Variants in OR9Q1 observed in about 807,000 individuals in gnomAD.
OR9Q1 encodes olfactory receptor family 9 subfamily Q member 1.
For synonymous variants in OR9Q1, 153 were observed against 148.6 expected (o/e 1.03, Z -0.22); for missense variants, 374 against 378.8 (o/e 0.99, Z 0.11).
chr11:58,070,823 A>G (rs1853480697), intron 2 of OR9Q1, among the ~76,000 whole-genome samples: 1 of 152,182 alleles, frequency 6.6e-6, no homozygotes, highest in African/African-American at 2.4e-5. Context: ...ATCTGGGTGG[A>G]CAGTAGGTTA....
intron 2 of OR9Q1, among the ~76,000 whole-genome samples, chr11:58,068,741 G>C (rs1853458205): frequency 6.6e-6 from 1 of 152,094 alleles, no homozygotes; most frequent in Non-Finnish European, 1.5e-5. Flanking sequence ...TCCAGGATTG[G>C]TAATTCAGTA....
intron 1 of OR9Q1, among the ~76,000 whole-genome samples, chr11:58,037,679 ATATATATATATTTTTTTTTT>A (rs1853116171): frequency 6.8e-5 from 1 of 14,666 alleles, no homozygotes; most frequent in Non-Finnish European, 1.4e-4. Flanking sequence ...ATATATATAT[ATATATATATATTTTTTTTTT>A]TTTTTTTTTT....
chr11:58,172,875 T>C (rs1395259884), intron 2 of OR9Q1, among the ~76,000 whole-genome samples: 3 of 152,196 alleles, frequency 2.0e-5, no homozygotes. Context: ...TATTAGTGAC[T>C]GTAGTCACCC....
chr11:58,070,959 C>G (rs1368477479), intron 2 of OR9Q1, among the ~76,000 whole-genome samples: 2 of 152,250 alleles, frequency 1.3e-5, no homozygotes, highest in African/African-American at 4.8e-5. Flanking sequence ...TGACGCTGGC[C>G]TAGAAGTCAT....
At chr11:58,175,151 A>G (rs1318479186) in intron 2 of OR9Q1, among the ~76,000 whole-genome samples, 1 of 151,556 alleles carries the variant, frequency 6.6e-6, no homozygotes, top group Non-Finnish European at 1.5e-5. Flanking sequence ...ATTACGCACA[A>G]CAATATATAA....
chr11:58,034,821 C>CCTTCCTTCCTTCCTTCCTTCCTTCCTTG (rs1565055262), intron 1 of OR9Q1, among the ~76,000 whole-genome samples: 1 of 138,892 alleles, frequency 7.2e-6, no homozygotes, highest in Non-Finnish European at 1.5e-5. Flanking sequence ...TTCCTTCCTT[C>CCTTCCTTCCTTCCTTCCTTCCTTCCTTG]CTTGCTTCCT....
intron 2 of OR9Q1, among the ~76,000 whole-genome samples, chr11:58,084,106 C>G (rs569988667): frequency 6.6e-6 from 1 of 151,890 alleles, no homozygotes; most frequent in South Asian, 2.1e-4. Context: ...AATGTTTTTC[C>G]ATTTATTTGT....
chr11:58,119,331 G>T (rs200916365), intron 2 of OR9Q1: 1 of 1,613,568 alleles, frequency 6.2e-7, no homozygotes, highest in African/African-American at 1.3e-5. Context: ...TCCCAAGAAG[G>T]GTGACTAGGT....
At chr11:58,118,638 C>T (rs1206018460) in intron 2 of OR9Q1, 11 of 1,613,804 alleles carry the variant, frequency 6.8e-6, no homozygotes, top group Non-Finnish European at 9.3e-6. Context: ...CTTTGTCTTC[C>T]TCCAGAGATT....
chr11:58,053,208 A>T (rs1199547332), intron 1 of OR9Q1, among the ~76,000 whole-genome samples: 1 of 151,762 alleles, frequency 6.6e-6, no homozygotes, highest in East Asian at 1.9e-4. Flanking sequence ...CAAATGTCCA[A>T]CAATGATAGA....
intron 2 of OR9Q1, among the ~76,000 whole-genome samples, chr11:58,086,809 A>G (rs1224238295): frequency 1.3e-5 from 2 of 151,950 alleles, no homozygotes; most frequent in East Asian, 3.8e-4. Context: ...TAAAATTCAT[A>G]GAAATAGAGA....
intron 2 of OR9Q1, among the ~76,000 whole-genome samples, chr11:58,137,890 A>G (rs1854203874): frequency 6.6e-6 from 1 of 152,206 alleles, no homozygotes; most frequent in East Asian, 1.9e-4. Flanking sequence ...GTCAGTCATT[A>G]ATATTCATAG....
chr11:58,134,392 G>T (rs546136682), intron 2 of OR9Q1, among the ~76,000 whole-genome samples: 1 of 152,150 alleles, frequency 6.6e-6, no homozygotes, highest in Non-Finnish European at 1.5e-5. Context: ...TTTCCCATTG[G>T]CTCTTTGTAT....
chr11:58,078,697 T>C (rs1853562201), intron 2 of OR9Q1: 1 of 152,236 alleles, frequency 6.6e-6, no homozygotes, highest in African/African-American at 2.4e-5. Flanking sequence ...GTAGTTATTG[T>C]GAGGATGTCC....
intron 2 of OR9Q1, among the ~76,000 whole-genome samples, chr11:58,079,021 G>C (rs906778543): frequency 1.8e-4 from 28 of 152,174 alleles, no homozygotes; most frequent in Non-Finnish European, 3.7e-4. Context: ...TAGACCATTT[G>C]ACTGTTTTGT....
intron 2 of OR9Q1, among the ~76,000 whole-genome samples, chr11:58,135,820 C>T (rs1854183861): frequency 6.6e-6 from 1 of 152,162 alleles, no homozygotes; most frequent in South Asian, 2.1e-4. Context: ...AGATCCATGG[C>T]TATATATTTC....
chr11:58,089,444 G>A (rs1565073168), intron 2 of OR9Q1, among the ~76,000 whole-genome samples: 1 of 151,748 alleles, frequency 6.6e-6, no homozygotes, highest in Non-Finnish European at 1.5e-5. Flanking sequence ...TTTGTCGAAG[G>A]TCAGATGGCT....
intron 1 of OR9Q1, among the ~76,000 whole-genome samples, chr11:58,035,817 T>C (rs1853095322): frequency 6.9e-6 from 1 of 144,666 alleles, no homozygotes. Context: ...GACAGCAAGA[T>C]GCAAAAACAA....
chr11:58,093,512 A>C (rs528838863), intron 2 of OR9Q1, among the ~76,000 whole-genome samples: 1 of 152,198 alleles, frequency 6.6e-6, no homozygotes, highest in African/African-American at 2.4e-5. Flanking sequence ...TTAAAAAGGC[A>C]CACTTTGGGA....
Sources: allele counts gnomAD v4.1 joint callset (sites outside exome capture counted in the v4.1 genomes callset), GRCh38; gene constraint gnomAD v4.1.1; transcripts MANE v1.5; gene names NCBI Gene and HGNC (gene_info 2026-07-23, HGNC 2026-07-21).